The following ZMYM1 variants were observed in gnomAD, a reference collection of about 807,000 sequenced individuals.
ZMYM1 encodes the protein zinc finger MYM-type containing 1, also known as zinc finger MYM-type protein 1.
ZMYM1 carries 39 observed loss-of-function variants against 60.0 expected under a neutral mutation model. That is an observed-to-expected ratio of 0.65 (90% confidence interval 0.50 to 0.85). The LOEUF is 0.85. ZMYM1 is among the 40% of genes least tolerant of loss of function. ZMYM1 has a pLI of 0.00. For synonymous variants in ZMYM1, 413 were observed against 454.0 expected, an observed-to-expected ratio of 0.91 and a Z score of 1.15; for missense variants, 1,171 against 1,309.5, an observed-to-expected ratio of 0.89 and a Z score of 1.63.
intron 6 of ZMYM1, among the ~76,000 whole-genome samples, chr1:35,105,465 G>A (rs373700994): frequency 4.1e-5 from 6 of 144,770 alleles, no homozygotes; most frequent in Non-Finnish European, 9.1e-5. Context: ...ACGGAGTCTC[G>A]CTGTCTTGCC....
upstream of ZMYM1, among the ~76,000 whole-genome samples, chr1:35,074,855 AT>A (rs35087634): frequency 0.85 from 125,121 of 147,634 alleles, 54,904 homozygotes; most frequent in Non-Finnish European, 0.96. Flanking sequence ...ACACATATAT[AT>A]TTTTTTTTTT....
intron 4 of ZMYM1, among the ~76,000 whole-genome samples, chr1:35,099,889 T>G (rs1643548580): frequency 6.6e-6 from 1 of 152,046 alleles, no homozygotes; most frequent in Non-Finnish European, 1.5e-5. Flanking sequence ...TTGTTTGTTT[T>G]GTTTTGTTTT....
At chr1:35,096,681 G>T (rs140190461) in intron 3 of ZMYM1, among the ~76,000 whole-genome samples, 1 of 152,148 alleles carries the variant, frequency 6.6e-6, no homozygotes, top group East Asian at 1.9e-4. Context: ...TCACAGGCCC[G>T]TGCCACCACA....
At chr1:35,106,608 CAAAAAAAAAAA>C (rs752085700) in intron 6 of ZMYM1, among the ~76,000 whole-genome samples, 5 of 38,840 alleles carry the variant, frequency 1.3e-4, no homozygotes, top group African/African-American at 3.7e-4. Context: ...GACTCCGTCT[CAAAAAAAAAAA>C]AAAAAAAAAA....
chr1:35,071,894 TTTGGGAGGCTAAGGCGGGCAGATCATC>T (rs1294369373), intron 1 of ZMYM1, among the ~76,000 whole-genome samples: 1 of 152,206 alleles, frequency 6.6e-6, no homozygotes, highest in Admixed American at 6.5e-5. Context: ...ATCCCAGCAC[TTTGGGAGGCTAAGGCGGGCAGATCATC>T]TGAGGTCAGG....
At chr1:35,089,638 CT>C (rs1281023925) in intron 1 of ZMYM1, among the ~76,000 whole-genome samples, 3 of 134,234 alleles carry the variant, frequency 2.2e-5, no homozygotes, top group Non-Finnish European at 4.8e-5. Flanking sequence ...TTATTTTTTT[CT>C]TTTTTTGAGC....
chr1:35,079,992 A>G (rs1049379422), intron 1 of ZMYM1, among the ~76,000 whole-genome samples: 5 of 152,218 alleles, frequency 3.3e-5, no homozygotes, highest in South Asian at 4.1e-4. Context: ...GGCGCCTGTA[A>G]TCTCAGCTAC....
chr1:35,109,681 G>A (rs1411645887), intron 6 of ZMYM1, among the ~76,000 whole-genome samples: 1 of 151,882 alleles, frequency 6.6e-6, no homozygotes, highest in Non-Finnish European at 1.5e-5. Flanking sequence ...AACTATATAA[G>A]GCCTTTGTTT....
chr1:35,080,098 CA>C (rs56835808), intron 1 of ZMYM1, among the ~76,000 whole-genome samples: 52 of 149,612 alleles, frequency 3.5e-4, no homozygotes, highest in African/African-American at 1.1e-3. Flanking sequence ...GACCCCGTCT[CA>C]AAAAAAAAAA....
intron 7 of ZMYM1, 30 bp from the exon 8 acceptor site, chr1:35,111,742 G>C (rs937545974): frequency 7.2e-6 from 11 of 1,537,218 alleles, no homozygotes; most frequent in Non-Finnish European, 8.8e-6. Context: ...ATTTTGCCTT[G>C]TTTATAAGAA....
chr1:35,070,808 GT>G (rs113491625), intron 1 of ZMYM1, among the ~76,000 whole-genome samples: 117 of 142,420 alleles, frequency 8.2e-4, no homozygotes, highest in East Asian at 2.2e-3. Context: ...CTTCTTGAGG[GT>G]TTTTTTTTTT....
chr1:35,074,929 C>T (rs376758859), upstream of ZMYM1, among the ~76,000 whole-genome samples: 25 of 150,642 alleles, frequency 1.7e-4, no homozygotes, highest in South Asian at 8.4e-4. Context: ...GGCGCGATCT[C>T]GGCTCACTGC....
chr1:35,076,577 C>T (rs183043587), upstream of ZMYM1, among the ~76,000 whole-genome samples: 12 of 151,880 alleles, frequency 7.9e-5, no homozygotes, highest in East Asian at 9.7e-4. Flanking sequence ...GCCAAGATTG[C>T]GCCATTGCAC....
intron 1 of ZMYM1, among the ~76,000 whole-genome samples, chr1:35,064,324 T>C (rs1260888600): frequency 7.2e-6 from 1 of 139,316 alleles, no homozygotes; most frequent in Admixed American, 7.1e-5. Context: ...CAAAAAACAC[T>C]GAAAGGAGAA....
intron 6 of ZMYM1, among the ~76,000 whole-genome samples, chr1:35,108,839 T>C (rs762526820): frequency 6.6e-6 from 1 of 151,848 alleles, no homozygotes; most frequent in Non-Finnish European, 1.5e-5. Flanking sequence ...GCCTCCCATG[T>C]AGCTGGGACC....
At chr1:35,075,323 C>CT (rs896282251), upstream of ZMYM1, among the ~76,000 whole-genome samples, 3 of 151,836 alleles carry the variant, frequency 2.0e-5, no homozygotes, top group Admixed American at 1.3e-4. Context: ...TTGGGTCTTG[C>CT]TTTTTTGTTG....
intron 4 of ZMYM1, among the ~76,000 whole-genome samples, chr1:35,103,746 C>G (rs1258259339): frequency 6.6e-6 from 1 of 152,158 alleles, no homozygotes; most frequent in Admixed American, 6.5e-5. Flanking sequence ...AACATCAACA[C>G]GGTGAAAAAG....
Position 35,113,491 on chromosome 1 carries a change from T to C in ZMYM1, c.1661T>C (p.Leu554Pro). 3 of 1,610,878 alleles carry C rather than the reference T, an allele frequency of 1.9e-6. No homozygotes were observed. In the South Asian group the frequency reaches 3.3e-5, roughly 18 times the overall value. ...SKQIEGNKKYLKLIIENILFL... is the reference protein window; with the variant it reads ...SKQIEGNKKYPKLIIENILFL... Reference sequence around the variant, plus strand: ...CAGATTGAGGGAAATAAAAAGTACCTAAAGCTTATAATTGAAAATATTTTA... The same window carrying C: ...CAGATTGAGGGAAATAAAAAGTACCCAAAGCTTATAATTGAAAATATTTTA... Residue 554 changes from leucine to proline, a missense_variant, in exon 10 of 10, where the codon CTA becomes CCA. Coordinates refer to ENST00000359858, the MANE Select transcript of ZMYM1 (RefSeq NM_024772.5).
At chr1:35,117,282 A>C (rs1644259164), downstream of ZMYM1, among the ~76,000 whole-genome samples, 1 of 151,946 alleles carries the variant, frequency 6.6e-6, no homozygotes, top group South Asian at 2.1e-4. Context: ...GAGTTGTAGA[A>C]AATATTCTCA....
Sources: allele counts gnomAD v4.1 joint callset (sites outside exome capture counted in the v4.1 genomes callset), GRCh38; gene constraint gnomAD v4.1.1; transcripts MANE v1.5; gene names NCBI Gene and HGNC (gene_info 2026-07-23, HGNC 2026-07-21).